Variants in CACNB3 observed in about 807,000 individuals in gnomAD.
CACNB3 encodes voltage-dependent L-type calcium channel subunit beta-3.
A neutral mutation model predicts 63.7 loss-of-function variants in CACNB3; 36 were observed. That is an observed-to-expected ratio of 0.57 (90% CI 0.43 to 0.75). The LOEUF is 0.75. CACNB3 is among the 30% of genes least tolerant of loss of function. CACNB3 has a pLI of 0.00. For missense variants in CACNB3, 493 were observed against 648.6 expected (o/e 0.76, Z 2.61); for synonymous variants, 241 against 250.6 (o/e 0.96, Z 0.36).
At chr12:48,824,806 A>G (rs749231044) in intron 5 of CACNB3, 73 bp downstream of exon 5, 7 of 1,554,924 alleles carry the variant, frequency 4.5e-6, no homozygotes, top group Non-Finnish European at 6.2e-6. Context: ...GATCCTGCCC[A>G]AGTGAACTGT....
At chr12:48,821,056 T>C (rs1937821613) in intron 1 of CACNB3, 1 of 152,004 alleles carries the variant, frequency 6.6e-6, no homozygotes, top group Admixed American at 6.6e-5. Context: ...TGGTGGCACA[T>C]GCCTGTAGTC....
chr12:48,828,028 C>T lies in CACNB3; in HGVS notation c.*129C>T, dbSNP rs971937853. The T allele has an allele frequency of 2.5e-6, 2 of 790,988 alleles. No individual in the cohort carries two copies. The highest frequency in any genetic ancestry group is 3.5e-5 in the South Asian group (2 of 57,604). 49.0% of individuals were successfully genotyped at this position (790,988 alleles called of 1,614,324 possible). A position where few individuals can be genotyped will look rare whatever the true frequency, so the allele number is the denominator to read the frequency against. On this transcript the variant is annotated 3_prime_UTR_variant, in exon 13 of 13. Transcript: ENST00000301050. ...GCCCCCAAAACCCCCTGCCCAGCCC[C>T]AGCTTCAGGGCTGCCTGTGGTCCCA...
At position 48,824,603 on chromosome 12, in the gene CACNB3, G is replaced by A. The variant is rs1319640827; in HGVS notation, c.408-66G>A. 12 of 1,404,922 alleles carry A rather than the reference G, an allele frequency of 8.5e-6. No individual in the cohort carries two copies. The East Asian group carries it at 2.3e-4, about 27-fold the overall frequency. The allele number at this position is 1,404,922 out of a possible 1,614,324, so 87.0% of individuals were successfully genotyped here. On this transcript the variant is annotated intron_variant, in intron 4 of 12. Transcript: ENST00000301050. ...GAATTGTGTACAATTATTAAATAATGCATAGAACATACATACACAGAGACA... is the reference window on the plus strand; with the variant it reads ...GAATTGTGTACAATTATTAAATAATACATAGAACATACATACACAGAGACA...
chr12:48,827,848 C>T lies in CACNB3; in HGVS notation c.1404C>T (p.His468=). 1 of 1,614,150 alleles carries T rather than the reference C, an allele frequency of 6.2e-7. No individual in the cohort carries two copies. Among genetic ancestry groups the T allele is most frequent in the Non-Finnish European group, 8.5e-7 (1 of 1,180,022 alleles). Residue 468 remains histidine (H), a synonymous_variant, in exon 13 of 13, where the codon CAC becomes CAT. Coordinates refer to ENST00000301050, the MANE Select transcript of CACNB3 (RefSeq NM_000725.4). ...RLLAQDSEHN[H]SDRNWQRNRP... ...TAGCCCAGGACTCAGAGCACAACCA[C>T]AGTGACCGGAACTGGCAGCGCAACC...
In CACNB3 at chr12:48,828,230, C is replaced by T; in HGVS notation, c.*331C>T. 1 of 396,516 alleles carries T rather than the reference C, an allele frequency of 2.5e-6. No individual in the cohort carries two copies. The highest frequency in any genetic ancestry group is 4.7e-6 in the Non-Finnish European group (1 of 211,690). The allele number at this position is 396,516 out of a possible 1,614,324, so 24.6% of individuals were successfully genotyped here. ...AGGATCCCCTTAGCAGGGTCCTTCC[C>T]ACCAGACTCAGGGAAGGGATGCCCC... On this transcript the variant is annotated 3_prime_UTR_variant, in exon 13 of 13. Coordinates refer to ENST00000301050, the MANE Select transcript of CACNB3 (RefSeq NM_000725.4).
intron 12 of CACNB3, 83 bp downstream of exon 12, chr12:48,827,206 C>CTCCA (rs374160067): frequency 6.6e-7 from 1 of 1,505,634 alleles, no homozygotes; most frequent in African/African-American, 1.4e-5. Flanking sequence ...TGTCCTTGGC[C>CTCCA]TCCAGTTCAG....
upstream of CACNB3, chr12:48,815,774 T>C: frequency 1.0e-6 from 1 of 965,776 alleles, no homozygotes; most frequent in Non-Finnish European, 1.5e-6. Context: ...GGTTCCCCAC[T>C]GGGTGGGAGG....
At chr12:48,815,499 G>C, upstream of CACNB3, 1 of 1,375,464 alleles carries the variant, frequency 7.3e-7, no homozygotes, top group Non-Finnish European at 9.6e-7. Flanking sequence ...GGGAGAGGGA[G>C]GGAGGGAGGA....
upstream of CACNB3, chr12:48,815,740 G>A (rs1191537670): frequency 7.8e-6 from 11 of 1,406,890 alleles, no homozygotes; most frequent in Non-Finnish European, 1.1e-5. Context: ...TAACCGTGGG[G>A]GGGGTGTGGG....
rs1487485584 is a variant in CACNB3 at position 48,828,048 on chromosome 12, G to T, written c.*149G>T. On this transcript the variant is annotated 3_prime_UTR_variant, in exon 13 of 13. Transcript: ENST00000301050. ...AGCCCCAGCTTCAGGGCTGCCTGTG[G>T]TCCCAAGGTTCTGGGAGAAACAGGG... 7.2e-6 allele frequency: 5 copies of T among 693,122 alleles called. No individual in the cohort carries two copies. The highest frequency in any genetic ancestry group is 1.2e-5 in the Non-Finnish European group (5 of 412,088). 42.9% of individuals were successfully genotyped at this position (693,122 alleles called of 1,614,324 possible).
Position 48,818,693 on chromosome 12 carries a change from GC to G in CACNB3, c.-236del. 8.0e-7 allele frequency: 1 copy of G among 1,243,748 alleles called. No individual in the cohort carries two copies. Among genetic ancestry groups the G allele is most frequent in the African/African-American group, 1.6e-5 (1 of 62,228 alleles). The allele number at this position is 1,243,748 out of a possible 1,614,324, so 77.0% of individuals were successfully genotyped here. On this transcript the variant is annotated 5_prime_UTR_variant, in exon 1 of 13. Transcript: ENST00000301050. The surrounding 1 kb of genome is among the most constrained non-coding windows in gnomAD (Gnocchi z 4.3). ...GGAGCCGGCGCCAGATTCCTCAGCC[GC>G]GCTCGGGGTGGGACCGGCTGGGTTT...
At chr12:48,818,062 C>T (rs147939871), upstream of CACNB3, 609 of 152,506 alleles carry the variant, frequency 4.0e-3, 2 homozygotes, top group South Asian at 6.6e-3. The surrounding 1 kb of genome is among the most constrained non-coding windows in gnomAD (Gnocchi z 4.3). Context: ...GGGGGCCGGG[C>T]ACCTGTTGGG....
rs1938284005 is a variant in CACNB3 at position 48,828,710 on chromosome 12, G to T, written c.*811G>T. The stretch of plus-strand genomic sequence containing the variant: ...TTCTCATTCTTTTGCCCTGCATCCT[G>T]TCATTTCTGTTCTTGTCCCTCATAC... On this transcript the variant is annotated 3_prime_UTR_variant, in exon 13 of 13. Transcript: ENST00000301050. The T allele has an allele frequency of 2.2e-6, 1 of 456,520 alleles. No homozygotes were observed. 28.3% of individuals were successfully genotyped at this position (456,520 alleles called of 1,614,324 possible). A position where few individuals can be genotyped will look rare whatever the true frequency, so the allele number is the denominator to read the frequency against.
At position 48,818,866 on chromosome 12, in the gene CACNB3, T is replaced by C. The variant is rs1937679196; in HGVS notation, c.-64T>C. On this transcript the variant is annotated 5_prime_UTR_variant, in exon 1 of 13. Transcript: ENST00000301050. This position sits in a 1 kb window ranked among gnomAD's most constrained non-coding sequence, Gnocchi z 4.3. Reference sequence around the variant, plus strand: ...ATCTCCCGGGCGCGGCCCGCAGTCCTTGCCCCTGCCTCCGGGCCGCTCCCG... The same window carrying C: ...ATCTCCCGGGCGCGGCCCGCAGTCCCTGCCCCTGCCTCCGGGCCGCTCCCG... 2.6e-6 allele frequency: 4 copies of C among 1,527,852 alleles called. No individual in the cohort carries two copies. The African/African-American group carries it at 5.7e-5, about 22-fold the overall frequency. 94.6% of individuals were successfully genotyped at this position (1,527,852 alleles called of 1,614,324 possible). A position where few individuals can be genotyped will look rare whatever the true frequency, so the allele number is the denominator to read the frequency against.
In CACNB3 at chr12:48,828,075, A is replaced by AC. The variant is rs369916706; in HGVS notation, c.*181dup. ...CCCAAGGTTCTGGGAGAAACAGGGGACCCCCTCACCTCCTGGGCAGTGACC... is the reference window on the plus strand; with the variant it reads ...CCCAAGGTTCTGGGAGAAACAGGGGACCCCCCTCACCTCCTGGGCAGTGACC... On this transcript the variant is annotated 3_prime_UTR_variant, in exon 13 of 13. Transcript: ENST00000301050. 1,746 of 618,658 alleles carry AC rather than the reference A, an allele frequency of 2.8e-3. 50 individuals are homozygous for AC. The South Asian group carries it at 0.032, about 11-fold the overall frequency. 38.3% of individuals were successfully genotyped at this position (618,658 alleles called of 1,614,324 possible).
At chr12:48,814,623 G>A (rs1046707834), upstream of CACNB3, 1 of 1,434,678 alleles carries the variant, frequency 7.0e-7, no homozygotes, top group Admixed American at 2.5e-5. This position sits in a 1 kb window ranked among gnomAD's most constrained non-coding sequence, Gnocchi z 6.9. Context: ...GGAATAAGTA[G>A]AGCGCAGCCT....
At position 48,827,936 on chromosome 12, in the gene CACNB3, C is replaced by A; in HGVS notation, c.*37C>A. 6.4e-7 allele frequency: 1 copy of A among 1,573,228 alleles called. No individual in the cohort carries two copies. Among genetic ancestry groups the A allele is most frequent in the South Asian group, 1.1e-5 (1 of 88,258 alleles). On this transcript the variant is annotated 3_prime_UTR_variant, in exon 13 of 13. Transcript: ENST00000301050. ...TGCCCTACCCTGGCAGGCACAGGCGCAGCTGGCTGGGGGGCCCACTCCAGG... is the reference window on the plus strand; with the variant it reads ...TGCCCTACCCTGGCAGGCACAGGCGAAGCTGGCTGGGGGGCCCACTCCAGG...
upstream of CACNB3, among the ~76,000 whole-genome samples, chr12:48,816,637 C>T (rs527673155): frequency 6.6e-6 from 1 of 152,338 alleles, no homozygotes; most frequent in African/African-American, 2.4e-5. Flanking sequence ...GGAGCTTGAA[C>T]CCATCTCCTG....
upstream of CACNB3, among the ~76,000 whole-genome samples, chr12:48,817,571 G>A (rs1168988117): frequency 1.3e-5 from 2 of 152,194 alleles, no homozygotes; most frequent in Non-Finnish European, 2.9e-5. Flanking sequence ...AAAGGAAAGA[G>A]CTCAAATGGG....
Sources: gnomAD v4.1 joint callset for allele counts (sites outside exome capture counted in the v4.1 genomes callset) on GRCh38, gnomAD v4.1.1 for gene constraint, Gnocchi (gnomAD v3.1) non-coding constraint, MANE v1.5 for transcripts, NCBI Gene and HGNC (gene_info 2026-07-23, HGNC 2026-07-21) for gene names.